The following STPG2 variants were observed in gnomAD, a reference collection of about 807,000 sequenced individuals.
STPG2 encodes the protein sperm tail PG-rich repeat containing 2, also known as sperm-tail PG-rich repeat-containing protein 2.
Under a neutral mutation model 54.2 loss-of-function variants are expected in STPG2, and 56 were observed. The ratio of observed to expected loss-of-function variants is 1.03; its 90% CI spans 0.83 to 1.29. The LOEUF is 1.29. STPG2 is among the 50% of genes most tolerant of loss of function. The pLI is 0.00. For synonymous variants in STPG2, 200 were observed against 181.8 expected (o/e 1.10, Z -0.81); for missense variants, 596 against 544.9 (o/e 1.09, Z -0.93).
At chr4:98,052,928 C>T (rs1349470739) in intron 5 of STPG2, among the ~76,000 whole-genome samples, 1 of 152,178 alleles carries the variant, frequency 6.6e-6, no homozygotes, top group East Asian at 1.9e-4. Context: ...GAATCCTGTC[C>T]TTTCCCTCCC....
chr4:97,491,428 C>T (rs1299799867), intron 4 of STPG2, among the ~76,000 whole-genome samples: 3 of 151,442 alleles, frequency 2.0e-5, no homozygotes, highest in Non-Finnish European at 4.4e-5. Context: ...GCACCAAATG[C>T]TTTGTACTTG....
intron 7 of STPG2, among the ~76,000 whole-genome samples, chr4:97,966,480 C>T (rs1358935365): frequency 1.3e-5 from 2 of 152,166 alleles, no homozygotes; most frequent in African/African-American, 2.4e-5. Context: ...ACTTCCTGAA[C>T]TTAGCAAGGC....
intron 5 of STPG2, among the ~76,000 whole-genome samples, chr4:98,024,459 A>T (rs955034303): frequency 6.6e-6 from 1 of 152,192 alleles, no homozygotes; most frequent in African/African-American, 2.4e-5. Context: ...TCAAATCCAT[A>T]TGTCCTATAA....
chr4:97,979,881 C>T (rs1734616409), intron 6 of STPG2, among the ~76,000 whole-genome samples: 1 of 151,968 alleles, frequency 6.6e-6, no homozygotes, highest in African/African-American at 2.4e-5. Flanking sequence ...CGCACCACCA[C>T]ACCCGACTAA....
chr4:97,666,036 T>G (rs2148965451), intron 10 of STPG2, among the ~76,000 whole-genome samples: 1 of 152,216 alleles, frequency 6.6e-6, no homozygotes, highest in East Asian at 1.9e-4. Context: ...TGTCTGTGTC[T>G]GCAGCAATGG....
chr4:97,987,371 T>C (rs1231630582), intron 5 of STPG2, among the ~76,000 whole-genome samples: 1 of 152,224 alleles, frequency 6.6e-6, no homozygotes, highest in African/African-American at 2.4e-5. Flanking sequence ...TTTTGTACTG[T>C]CTTTTTAAAT....
At chr4:97,689,014 T>C (rs1295386353) in intron 10 of STPG2, among the ~76,000 whole-genome samples, 1 of 152,126 alleles carries the variant, frequency 6.6e-6, no homozygotes, top group Non-Finnish European at 1.5e-5. Flanking sequence ...TTTTAAACCC[T>C]ATTTGTTACT....
chr4:97,956,493 C>G (rs1733680357), intron 7 of STPG2, among the ~76,000 whole-genome samples: 1 of 152,084 alleles, frequency 6.6e-6, no homozygotes, highest in Admixed American at 6.6e-5. Flanking sequence ...ACTTTTGCTC[C>G]AGACCTACCA....
At chr4:97,720,572 A>G (rs982988186) in intron 9 of STPG2, among the ~76,000 whole-genome samples, 1 of 152,042 alleles carries the variant, frequency 6.6e-6, no homozygotes, top group African/African-American at 2.4e-5. Flanking sequence ...CAGCATGACA[A>G]TTCTCTAAAA....
intron 8 of STPG2, among the ~76,000 whole-genome samples, chr4:97,859,758 C>A (rs892790407): frequency 2.0e-5 from 3 of 152,132 alleles, no homozygotes; most frequent in East Asian, 1.9e-4. Flanking sequence ...ATATGCCTGG[C>A]CTGCATTAGC....
At chr4:98,125,309 G>T (rs1488310283) in intron 3 of STPG2, among the ~76,000 whole-genome samples, 1 of 152,130 alleles carries the variant, frequency 6.6e-6, no homozygotes, top group Non-Finnish European at 1.5e-5. Flanking sequence ...ATCTTTGTGG[G>T]CTTATCTTCT....
At chr4:97,671,332 G>T (rs918065851) in intron 10 of STPG2, among the ~76,000 whole-genome samples, 3 of 152,156 alleles carry the variant, frequency 2.0e-5, no homozygotes, top group Non-Finnish European at 4.4e-5. Context: ...TTCTTGGGTG[G>T]ATTATACAGG....
intron 10 of STPG2, among the ~76,000 whole-genome samples, chr4:97,584,281 C>A (rs917149248): frequency 1.3e-5 from 2 of 151,916 alleles, no homozygotes; most frequent in Non-Finnish European, 2.9e-5. Flanking sequence ...CCTGAAGGAT[C>A]TTTGCATCAA....
At chr4:98,082,651 G>T (rs1432087971) in intron 5 of STPG2, among the ~76,000 whole-genome samples, 2 of 150,932 alleles carry the variant, frequency 1.3e-5, no homozygotes, top group Non-Finnish European at 3.0e-5. Flanking sequence ...ACGGGGTTTC[G>T]CCACGTTGGC....
At chr4:97,629,406 CACGCA>C (rs1420058948) in intron 10 of STPG2, among the ~76,000 whole-genome samples, 1 of 151,996 alleles carries the variant, frequency 6.6e-6, no homozygotes, top group Non-Finnish European at 1.5e-5. Context: ...TATGTGCGTG[CACGCA>C]CTATAGGACT....
At chr4:97,619,965 A>T (rs1317881579) in intron 10 of STPG2, among the ~76,000 whole-genome samples, 1 of 151,766 alleles carries the variant, frequency 6.6e-6, no homozygotes, top group Non-Finnish European at 1.5e-5. Flanking sequence ...CTGGGACTAC[A>T]GGCACCCACC....
At chr4:97,470,670 A>G (rs1729901885) in intron 4 of STPG2, among the ~76,000 whole-genome samples, 1 of 152,136 alleles carries the variant, frequency 6.6e-6, no homozygotes, top group Non-Finnish European at 1.5e-5. Flanking sequence ...AAATACTGTA[A>G]TAAAAGTTAT....
At chr4:97,834,620 G>A (rs1728577031) in intron 9 of STPG2, among the ~76,000 whole-genome samples, 1 of 151,958 alleles carries the variant, frequency 6.6e-6, no homozygotes, top group Non-Finnish European at 1.5e-5. Flanking sequence ...ACTGGAGAGA[G>A]AAAAAAATAT....
rs187692466 is a variant in STPG2 at position 97,470,411 on chromosome 4, T to A, written c.462+242288A>T. Among the ~76,000 whole-genome samples the A allele has an allele frequency of 7.0e-4, 106 of 152,230 alleles. 1 individual carries two copies. Among genetic ancestry groups the A allele is most frequent in the Non-Finnish European group, 9.4e-4 (64 of 67,976 alleles). On this transcript the variant is annotated intron_variant, in intron 4 of 4. Transcript: ENST00000522676. ...AAGAATTTGGCACATTATATATTTT[T>A]CCTAAAATATATTATACTAGCTTTC...
Sources: allele counts gnomAD v4.1 joint callset (sites outside exome capture counted in the v4.1 genomes callset), GRCh38; gene constraint gnomAD v4.1.1; transcripts MANE v1.5; gene names NCBI Gene and HGNC (gene_info 2026-07-23, HGNC 2026-07-21).